SSBP4: variants seen among roughly 807,000 people sequenced by gnomAD.
The protein encoded by SSBP4 is single stranded DNA binding protein 4.
A neutral mutation model predicts 64.6 loss-of-function variants in SSBP4; 33 were observed. That is an observed-to-expected ratio of 0.51 (90% CI 0.39 to 0.68). The LOEUF is 0.68. SSBP4 is among the 30% of genes least tolerant of loss of function. The pLI is 0.00. For synonymous variants in SSBP4, 243 were observed against 224.0 expected (o/e 1.08, Z -0.76); for missense variants, 583 against 566.8 (o/e 1.03, Z -0.29).
At chr19:18,404,991 C>CT in the SSBP4 span, among the ~76,000 whole-genome samples, 17,175 of 149,350 alleles carry the variant, frequency 0.11, 1,149 homozygotes, top group South Asian at 0.15. Context: ...AGAGGCCCCC[C>CT]CCCCCGCGAA....
chr19:18,421,788 C>T (rs1231416055), intron 1 of SSBP4, among the ~76,000 whole-genome samples: 5 of 152,094 alleles, frequency 3.3e-5, no homozygotes, highest in African/African-American at 1.2e-4. Context: ...GCTCTGGCTC[C>T]CAGGTGGAGT....
chr19:18,422,060 C>A (rs1972502679), intron 1 of SSBP4, among the ~76,000 whole-genome samples: 1 of 152,136 alleles, frequency 6.6e-6, no homozygotes, highest in Non-Finnish European at 1.5e-5. Context: ...ACTCTGGAGG[C>A]TGAGGTGAAA....
upstream of SSBP4, chr19:18,419,060 C>T (rs1370118511): frequency 1.0e-6 from 1 of 985,542 alleles, no homozygotes; most frequent in Non-Finnish European, 1.2e-6. Flanking sequence ...CAGCGGGGTA[C>T]ACTTTTGCTG....
Position 18,431,850 on chromosome 19 carries a change from C to A in SSBP4, c.553C>A (p.Pro185Thr). 1.3e-6 allele frequency: 2 copies of A among 1,572,594 alleles called. No homozygotes were observed. The highest frequency in any genetic ancestry group is 1.7e-6 in the Non-Finnish European group (2 of 1,158,138). ...PLLPGAMEPS[P>T]RAQGHPSMGG... is the part of the protein sequence containing the mutation. Reference sequence around the variant, plus strand: ...CCTCCCTGGCGCCATGGAGCCCTCCCCACGAGCCCAGGGTGAGTAGGGAAG... The same window carrying A: ...CCTCCCTGGCGCCATGGAGCCCTCCACACGAGCCCAGGGTGAGTAGGGAAG... Residue 185 changes from proline to threonine, a missense_variant, in exon 8 of 18, where the codon CCA (proline) becomes ACA (threonine). Physicochemically the swap from Pro to Thr is conservative, Grantham distance 38 (BLOSUM62 -1). Coordinates refer to ENST00000270061, the MANE Select transcript of SSBP4 (RefSeq NM_032627.5).
At chr19:18,414,520 C>T (rs1972116554), upstream of SSBP4, among the ~76,000 whole-genome samples, 2 of 152,152 alleles carry the variant, frequency 1.3e-5, 1 homozygote, top group South Asian at 4.1e-4. Flanking sequence ...ATGCTGCCAC[C>T]TTCTTTGGTC....
the SSBP4 span, among the ~76,000 whole-genome samples, chr19:18,412,690 C>T: frequency 6.6e-6 from 1 of 152,056 alleles, no homozygotes; most frequent in Non-Finnish European, 1.5e-5. Flanking sequence ...CTCAGTTTCC[C>T]CATCTGTAAC....
At chr19:18,433,424 G>A in intron 15 of SSBP4, 161 bp from the exon 16 acceptor site, 1 of 1,357,822 alleles carries the variant, frequency 7.4e-7, no homozygotes, top group Admixed American at 2.0e-5. Flanking sequence ...TCCCCCCCAG[G>A]CCCAACCCTC....
At chr19:18,404,134 A>C in the SSBP4 span, among the ~76,000 whole-genome samples, 33 of 152,068 alleles carry the variant, frequency 2.2e-4, no homozygotes, top group Non-Finnish European at 3.7e-4. Context: ...GGACACTCAG[A>C]AACGCCCAGG....
Position 18,419,506 on chromosome 19 carries a change from C to T in SSBP4, c.-143C>T. ...GCCGCCGCCGCGGCCGTCTGGAGCT[C>T]CCCCGCGCGGACGATGCCTGCCGTG... On this transcript the variant is annotated 5_prime_UTR_variant, in exon 1 of 18. Transcript: ENST00000270061. 24 of 1,106,854 alleles carry T rather than the reference C, an allele frequency of 2.2e-5. No homozygotes were observed. Among genetic ancestry groups the T allele is most frequent in the Non-Finnish European group, 2.5e-5 (23 of 907,802 alleles). The allele number at this position is 1,106,854 out of a possible 1,614,324, so 68.6% of individuals were successfully genotyped here.
chr19:18,424,033 A>G (rs1428142539), intron 1 of SSBP4, among the ~76,000 whole-genome samples: 4 of 152,234 alleles, frequency 2.6e-5, no homozygotes, highest in Non-Finnish European at 5.9e-5. Context: ...CTGGCCGAAC[A>G]GCCAGGCTTC....
At chr19:18,416,863 G>A (rs1972137718), upstream of SSBP4, among the ~76,000 whole-genome samples, 1 of 152,154 alleles carries the variant, frequency 6.6e-6, no homozygotes, top group African/African-American at 2.4e-5. Context: ...CCCGCAAGGC[G>A]TGCGCCCTGG....
chr19:18,419,302 A>C (rs2144663448), upstream of SSBP4: 1 of 1,001,480 alleles, frequency 1.0e-6, no homozygotes, highest in Non-Finnish European at 1.2e-6. Context: ...GGCGGGACCC[A>C]CCCGCGCGCC....
At position 18,434,419 on chromosome 19, in the gene SSBP4, C is replaced by T. The variant is rs970327560; in HGVS notation, c.*173C>T. The stretch of plus-strand genomic sequence containing the variant: ...TACCATTTTATTAAAAACGCAAGGA[C>T]CTCAGAGACGTTCTTTTCTGTATGG... On this transcript the variant is annotated 3_prime_UTR_variant, in exon 18 of 18. Transcript: ENST00000270061. 7.3e-6 allele frequency: 9 copies of T among 1,229,784 alleles called. No individual in the cohort carries two copies. The highest frequency in any genetic ancestry group is 5.6e-5 in the East Asian group (2 of 35,602). 76.2% of individuals were successfully genotyped at this position (1,229,784 alleles called of 1,614,324 possible).
intron 15 of SSBP4, 121 bp downstream of exon 15, chr19:18,433,334 C>T (rs1268563997): frequency 1.5e-6 from 2 of 1,368,622 alleles, no homozygotes; most frequent in East Asian, 2.5e-5. Flanking sequence ...CTGAGCCCCC[C>T]GGGGGCCGCT....
chr19:18,424,261 C>T (rs1303111171), intron 1 of SSBP4, among the ~76,000 whole-genome samples: 4 of 152,222 alleles, frequency 2.6e-5, no homozygotes, highest in Non-Finnish European at 5.9e-5. Flanking sequence ...ATCCTCCCGG[C>T]ATCCCAGGAG....
Position 18,433,586 on chromosome 19 carries a change from C to T in SSBP4, c.993C>T (p.Gly331=). The change falls in exon 16 of 18, where the codon GGC becomes GGT. Residue 331 remains glycine (G), a splice_region_variant and synonymous_variant. Transcript: ENST00000270061. Reference sequence around the variant, plus strand: ...GCCCGTGTCTGTCCGTGTCTGTAGGCTCGGGCGACATGGACGGGTTGCCGA... The same window carrying T: ...GCCCGTGTCTGTCCGTGTCTGTAGGTTCGGGCGACATGGACGGGTTGCCGA... ...MEPHHVNGSL[G]SGDMDGLPKS... 6.5e-7 allele frequency: 1 copy of T among 1,530,734 alleles called. No individual in the cohort carries two copies. Among genetic ancestry groups the T allele is most frequent in the Non-Finnish European group, 8.8e-7 (1 of 1,138,522 alleles). The allele number at this position is 1,530,734 out of a possible 1,614,324, so 94.8% of individuals were successfully genotyped here. A position where few individuals can be genotyped will look rare whatever the true frequency, so the allele number is the denominator to read the frequency against.
At chr19:18,434,073 C>G in intron 17 of SSBP4, 144 bp from the exon 18 acceptor site, 1 of 1,339,274 alleles carries the variant, frequency 7.5e-7, no homozygotes, top group Non-Finnish European at 9.6e-7. Flanking sequence ...CCATGCATCG[C>G]CCCTCCCCCG....
intron 6 of SSBP4, 23 bp downstream of exon 6, chr19:18,431,441 CCTCA>C: frequency 7.1e-7 from 1 of 1,415,126 alleles, no homozygotes; most frequent in Non-Finnish European, 9.7e-7. Flanking sequence ...GGTGCCTGCC[CCTCA>C]CACACACACA....
intron 6 of SSBP4, 102 bp downstream of exon 6, chr19:18,431,520 C>T (rs1973379302): frequency 3.7e-6 from 5 of 1,359,316 alleles, no homozygotes; most frequent in Non-Finnish European, 5.0e-6. Context: ...TGCCAGCTGG[C>T]CGGGCTTTGC....
Sources: gnomAD v4.1 joint callset for allele counts (sites outside exome capture counted in the v4.1 genomes callset) on GRCh38, gnomAD v4.1.1 for gene constraint, MANE v1.5 for transcripts, NCBI Gene and HGNC (gene_info 2026-07-23, HGNC 2026-07-21) for gene names.